Variants in SLC24A2 observed in about 807,000 individuals in gnomAD.
SLC24A2 encodes sodium/potassium/calcium exchanger 2.
A neutral mutation model predicts 62.0 loss-of-function variants in SLC24A2; 36 were observed. The ratio of observed to expected loss-of-function variants is 0.58; its 90% CI spans 0.44 to 0.77. The LOEUF (loss-of-function observed/expected upper bound fraction) is 0.77, where lower values mean the gene tolerates loss of function less well. SLC24A2 is among the 30% of genes least tolerant of loss of function. The pLI, the probability that SLC24A2 is intolerant of heterozygous loss-of-function variation, is 0.00. For synonymous variants in SLC24A2, 358 were observed against 294.0 expected (o/e 1.22, Z -2.23); for missense variants, 846 against 817.9 (o/e 1.03, Z -0.42).
chr9:19,518,695 C>A (rs1451343746), intron 10 of SLC24A2, among the ~76,000 whole-genome samples: 2 of 152,132 alleles, frequency 1.3e-5, no homozygotes, highest in South Asian at 4.1e-4. Context: ...GCTGGGATTA[C>A]AGGTGTGAGC....
intron 2 of SLC24A2, among the ~76,000 whole-genome samples, chr9:19,727,158 TA>T (rs1178804432): frequency 6.6e-6 from 1 of 152,188 alleles, no homozygotes; most frequent in East Asian, 1.9e-4. Flanking sequence ...AGGTTCTTCC[TA>T]TCAAGCAAAT....
the SLC24A2 span, among the ~76,000 whole-genome samples, chr9:20,248,695 G>A: frequency 2.0e-4 from 31 of 152,132 alleles, no homozygotes; most frequent in African/African-American, 5.8e-4. Flanking sequence ...AGTCTACACC[G>A]AGCATTTCTC....
chr9:20,187,091 G>C, the SLC24A2 span, among the ~76,000 whole-genome samples: 1 of 152,140 alleles, frequency 6.6e-6, no homozygotes, highest in African/African-American at 2.4e-5. Context: ...TGAGCCAGCA[G>C]AGCTGGTCCT....
intron 2 of SLC24A2, among the ~76,000 whole-genome samples, chr9:19,692,726 AC>A (rs1285063873): frequency 6.6e-6 from 1 of 151,996 alleles, no homozygotes; most frequent in Non-Finnish European, 1.5e-5. Flanking sequence ...TCCTTCCTCC[AC>A]CAAATGTAAG....
At chr9:20,250,587 G>A in the SLC24A2 span, among the ~76,000 whole-genome samples, 3,765 of 152,210 alleles carry the variant, frequency 0.025, 232 homozygotes, top group East Asian at 0.19. Flanking sequence ...ATAAATAAAA[G>A]AGTGGGAATG....
chr9:20,008,173 G>C, the SLC24A2 span, among the ~76,000 whole-genome samples: 1 of 152,016 alleles, frequency 6.6e-6, no homozygotes, highest in Middle Eastern at 3.4e-3. Flanking sequence ...TGAGATTACA[G>C]GCTTAAGCCA....
At chr9:20,200,706 T>C in the SLC24A2 span, among the ~76,000 whole-genome samples, 1 of 152,238 alleles carries the variant, frequency 6.6e-6, no homozygotes, top group South Asian at 2.1e-4. Flanking sequence ...CATGGTAAAT[T>C]GGCCTCTGCC....
intron 7 of SLC24A2, among the ~76,000 whole-genome samples, chr9:19,556,598 A>G (rs1835097101): frequency 6.6e-6 from 1 of 152,148 alleles, no homozygotes; most frequent in Non-Finnish European, 1.5e-5. Context: ...ATCCCAGTTG[A>G]GGCTTGATTC....
intron 2 of SLC24A2, among the ~76,000 whole-genome samples, chr9:19,741,919 CTA>C (rs1360069483): frequency 6.6e-6 from 1 of 152,094 alleles, no homozygotes; most frequent in Non-Finnish European, 1.5e-5. Context: ...TAAAATATGA[CTA>C]TTGAAAATTA....
At position 19,600,008 on chromosome 9, in the gene SLC24A2, A is replaced by C. The variant is rs145559381; in HGVS notation, c.1079-2729T>G. Reference sequence around the variant, plus strand: ...AGGAGGAAAGAAGTAAGGGAGTTCAAGAGTCTATTAGTTAACATTATCTAG... The same window carrying C: ...AGGAGGAAAGAAGTAAGGGAGTTCACGAGTCTATTAGTTAACATTATCTAG... On this transcript the variant is annotated intron_variant, in intron 4 of 10. Coordinates refer to ENST00000341998, the MANE Select transcript of SLC24A2 (RefSeq NM_020344.4). Among the ~76,000 whole-genome samples the C allele has an allele frequency of 9.1e-3, 1,393 of 152,308 alleles. 33 individuals carry two copies. Among genetic ancestry groups the C allele is most frequent in the Admixed American group, 0.047 (725 of 15,300 alleles).
At chr9:19,564,027 G>C (rs769482134) in intron 7 of SLC24A2, among the ~76,000 whole-genome samples, 6 of 151,690 alleles carry the variant, frequency 4.0e-5, no homozygotes, top group Non-Finnish European at 2.9e-5. Flanking sequence ...CTAATTTTTT[G>C]TATTTTTGGT....
intron 2 of SLC24A2, among the ~76,000 whole-genome samples, chr9:19,670,264 T>C (rs1052914430): frequency 6.6e-6 from 1 of 152,188 alleles, no homozygotes; most frequent in African/African-American, 2.4e-5. Context: ...TCATCTAGCC[T>C]GGGTTATTCC....
chr9:19,732,825 T>A (rs1281410178), intron 2 of SLC24A2, among the ~76,000 whole-genome samples: 1 of 152,120 alleles, frequency 6.6e-6, no homozygotes. Flanking sequence ...CCTGTCAGGC[T>A]GGAGAAAAGG....
the SLC24A2 span, among the ~76,000 whole-genome samples, chr9:19,795,394 C>A: frequency 6.6e-6 from 1 of 151,990 alleles, no homozygotes; most frequent in Non-Finnish European, 1.5e-5. Context: ...ACTTGCCTCT[C>A]TTTTTGCTCA....
chr9:19,727,415 C>T (rs1056666486), intron 2 of SLC24A2, among the ~76,000 whole-genome samples: 2 of 152,200 alleles, frequency 1.3e-5, no homozygotes, highest in Admixed American at 6.6e-5. Flanking sequence ...TCTTCCCTAA[C>T]TCATTTTTCC....
Position 19,744,102 on chromosome 9 carries a change from T to C in SLC24A2, c.930+41835A>G, listed in dbSNP as rs552833674. Among the ~76,000 whole-genome samples the C allele has an allele frequency of 8.5e-5, 13 of 152,232 alleles. No homozygotes were observed. In the East Asian group the frequency reaches 2.1e-3, roughly 25 times the overall value. On this transcript the variant is annotated intron_variant, in intron 2 of 10. Transcript: ENST00000341998. ...GGGCTGGCAGAGCTGCTCTGTGATG[T>C]TACAATACATCAATGACACCAAACT... is the stretch of plus-strand genomic sequence containing the variant.
At chr9:19,935,312 C>T in the SLC24A2 span, among the ~76,000 whole-genome samples, 53 of 151,966 alleles carry the variant, frequency 3.5e-4, no homozygotes, top group African/African-American at 1.3e-3. Context: ...GTTAAGCATA[C>T]TAAAGTTTAA....
the SLC24A2 span, among the ~76,000 whole-genome samples, chr9:20,176,807 A>G: frequency 1.3e-5 from 2 of 152,276 alleles, no homozygotes; most frequent in South Asian, 4.1e-4. Flanking sequence ...ACAAAAAGCA[A>G]GTTGAAAAAT....
the SLC24A2 span, among the ~76,000 whole-genome samples, chr9:20,129,964 CAG>C: frequency 6.7e-6 from 1 of 149,474 alleles, no homozygotes; most frequent in African/African-American, 2.5e-5. Context: ...CACACACACA[CAG>C]AGGTTAAGAT....
Sources: gnomAD v4.1 joint callset for allele counts (sites outside exome capture counted in the v4.1 genomes callset) on GRCh38, gnomAD v4.1.1 for gene constraint, MANE v1.5 for transcripts, NCBI Gene and HGNC (gene_info 2026-07-23, HGNC 2026-07-21) for gene names.